Variants in SOX5 observed in about 807,000 individuals in gnomAD.
SOX5 encodes the protein transcription factor SOX-5.
A neutral mutation model predicts 92.0 loss-of-function variants in SOX5; 9 were observed. The observed-to-expected ratio is 0.10, with a 90% CI of 0.06 to 0.17. The LOEUF (loss-of-function observed/expected upper bound fraction) is 0.17. Among genes scored for constraint, SOX5 ranks in the 10% least tolerant of loss-of-function variants. SOX5 has a pLI of 1.00. For missense variants in SOX5, 642 were observed against 944.5 expected, an observed-to-expected ratio of 0.68 and a Z score of 4.20; for synonymous variants, 344 against 336.3, an observed-to-expected ratio of 1.02 and a Z score of -0.25.
intron 6 of SOX5, 95 bp downstream of exon 6, chr12:23,734,589 T>G (rs2093516752): frequency 1.1e-5 from 10 of 921,554 alleles, no homozygotes; most frequent in Non-Finnish European, 1.6e-5. Context: ...GAAAGTCATT[T>G]TTATTTTGGA....
chr12:24,080,759 A>T (rs1943230572), intron 4 of SOX5, among the ~76,000 whole-genome samples: 1 of 151,980 alleles, frequency 6.6e-6, no homozygotes, highest in East Asian at 1.9e-4. Flanking sequence ...CACATTGCTT[A>T]AACCATGCAG....
chr12:24,543,444 C>T lies in SOX5; in HGVS notation c.-251+18885G>A, dbSNP rs144309844. 9.6e-3 allele frequency among the ~76,000 whole-genome samples: 1,462 copies of T among 152,296 alleles called. 9 individuals carry two copies. The highest frequency in any genetic ancestry group is 0.016 in the Non-Finnish European group (1,064 of 68,018). On this transcript the variant is annotated intron_variant, in intron 1 of 4. Transcript: ENST00000446891. ...GCTCACACCTGTAATCCGAGCACTTCGGGAGGCCGAGGCAGGAGGATCACT... is the reference window on the plus strand; with the variant it reads ...GCTCACACCTGTAATCCGAGCACTTTGGGAGGCCGAGGCAGGAGGATCACT...
intron 1 of SOX5, among the ~76,000 whole-genome samples, chr12:24,385,026 G>C (rs566149494): frequency 3.9e-5 from 6 of 152,296 alleles, no homozygotes; most frequent in Non-Finnish European, 8.8e-5. Context: ...TTGAGAGAGA[G>C]AGAGAGAGAG....
chr12:24,194,519 T>C (rs1335328060), intron 4 of SOX5, among the ~76,000 whole-genome samples: 1 of 152,198 alleles, frequency 6.6e-6, no homozygotes, highest in Non-Finnish European at 1.5e-5. Flanking sequence ...TGTATGCTTA[T>C]ACTTGGGAAC....
intron 4 of SOX5, among the ~76,000 whole-genome samples, chr12:24,039,912 T>C (rs1296576929): frequency 1.3e-5 from 2 of 152,242 alleles, no homozygotes; most frequent in African/African-American, 4.8e-5. Flanking sequence ...ACTATGCAGA[T>C]ACAATAGAAG....
chr12:23,963,502 C>T (rs1947191041), intron 4 of SOX5, among the ~76,000 whole-genome samples: 1 of 152,084 alleles, frequency 6.6e-6, no homozygotes, highest in Admixed American at 6.6e-5. Context: ...ATCCTTGAAT[C>T]TGGCATTTCC....
At position 23,531,344 on chromosome 12, in the gene SOX5, A is replaced by AAAAC. The variant is rs1939045607; in HGVS notation, c.*2871_*2874dup. The AAAAC allele has an allele frequency of 6.6e-6, 1 of 152,172 alleles. No homozygotes were observed. The allele number at this position is 152,172 out of a possible 1,614,324, so 9.4% of individuals were successfully genotyped here. On this transcript the variant is annotated 3_prime_UTR_variant, in exon 15 of 15. Coordinates refer to ENST00000451604, the MANE Select transcript of SOX5 (RefSeq NM_006940.6). Reference sequence around the variant, plus strand: ...AACAATTTTGTTTTCCCCTTCAAATAAAACAAAATATAACAAAAAAAAGAC... The same window carrying AAAAC: ...AACAATTTTGTTTTCCCCTTCAAATAAAACAAACAAAATATAACAAAAAAAAGAC...
chr12:23,816,740 T>C (rs1373605594), intron 3 of SOX5, among the ~76,000 whole-genome samples: 1 of 152,006 alleles, frequency 6.6e-6, no homozygotes, highest in Admixed American at 6.6e-5. Context: ...AAGTAGGAAA[T>C]GAGAAGTGGG....
intron 1 of SOX5, among the ~76,000 whole-genome samples, chr12:24,528,748 G>A (rs1216126517): frequency 6.6e-6 from 1 of 152,174 alleles, no homozygotes; most frequent in Admixed American, 6.5e-5. Context: ...ATCCTCAGTG[G>A]ATCTAGAGGA....
At chr12:23,841,090 A>T (rs1438799530) in intron 3 of SOX5, among the ~76,000 whole-genome samples, 1 of 152,176 alleles carries the variant, frequency 6.6e-6, no homozygotes, top group Non-Finnish European at 1.5e-5. Flanking sequence ...CATTCCTGAC[A>T]AAGAAGTTGT....
chr12:24,089,985 A>G (rs557778893), intron 4 of SOX5, among the ~76,000 whole-genome samples: 1 of 152,180 alleles, frequency 6.6e-6, no homozygotes, highest in Non-Finnish European at 1.5e-5. Flanking sequence ...CCTTTATTCA[A>G]GGAATCAATA....
intron 1 of SOX5, among the ~76,000 whole-genome samples, chr12:24,408,835 G>A (rs1171381489): frequency 6.6e-6 from 1 of 152,180 alleles, no homozygotes; most frequent in Non-Finnish European, 1.5e-5. Context: ...AACAGATGCT[G>A]GTGAGGCTGT....
intron 4 of SOX5, among the ~76,000 whole-genome samples, chr12:24,128,798 A>G (rs1186878287): frequency 1.3e-5 from 2 of 152,182 alleles, no homozygotes; most frequent in Admixed American, 1.3e-4. Flanking sequence ...TTATAATATA[A>G]TCTGATTGAT....
intron 3 of SOX5, among the ~76,000 whole-genome samples, chr12:23,844,833 TA>T (rs1648299733): frequency 6.6e-6 from 1 of 152,186 alleles, no homozygotes; most frequent in Admixed American, 6.5e-5. Context: ...TTTAAACACA[TA>T]AGGTTGTCTG....
chr12:24,495,583 A>T (rs1947547452), intron 1 of SOX5, among the ~76,000 whole-genome samples: 1 of 152,218 alleles, frequency 6.6e-6, no homozygotes, highest in Admixed American at 6.5e-5. Context: ...CTTGAGAACA[A>T]TGGTTTCTCG....
At chr12:23,798,169 C>A (rs1472021880) in intron 3 of SOX5, among the ~76,000 whole-genome samples, 1 of 151,770 alleles carries the variant, frequency 6.6e-6, no homozygotes, top group Non-Finnish European at 1.5e-5. Flanking sequence ...TATTTTTAAT[C>A]TGATTACTCC....
rs114333848 is a variant in SOX5, at chr12:24,265,007, G to A, written c.-77+12209C>T. 2.3e-3 allele frequency among the ~76,000 whole-genome samples: 349 copies of A among 152,268 alleles called. 2 individuals are homozygous for A. The highest frequency in any genetic ancestry group is 8.0e-3 in the African/African-American group (331 of 41,554). On this transcript the variant is annotated intron_variant, in intron 3 of 4. Coordinates refer to the SOX5 transcript ENST00000446891. ...CCAACTAGGGGAGGCATATCAACCC[G>A]AAAGCCTGCTGTCTCCAGAAGCAGT...
rs139801004 is a variant in SOX5, at chr12:24,091,376, T to G, written c.-2+121967A>C. Among the ~76,000 whole-genome samples, 441 of 151,576 alleles carry G rather than the reference T, an allele frequency of 2.9e-3. 1 individual carries two copies. The highest frequency in any genetic ancestry group is 0.01 in the African/African-American group (422 of 41,296). ...ATTTCAAATTTGAGAAGTTTCTAAA[T>G]GGAGAAAATAAAAATTAGAATTAAA... is the stretch of plus-strand genomic sequence containing the variant. On this transcript the variant is annotated intron_variant, in intron 4 of 4. Transcript: ENST00000446891.
chr12:24,265,262 T>C (rs1318772382), intron 3 of SOX5, among the ~76,000 whole-genome samples: 1 of 152,148 alleles, frequency 6.6e-6, no homozygotes, highest in African/African-American at 2.4e-5. Flanking sequence ...TTAGAAATAA[T>C]ATGGCCAGGT....
Sources: gnomAD v4.1 joint callset for allele counts (sites outside exome capture counted in the v4.1 genomes callset) on GRCh38, gnomAD v4.1.1 for gene constraint, MANE v1.5 for transcripts, NCBI Gene and HGNC (gene_info 2026-07-23, HGNC 2026-07-21) for gene names.